Variants in CCNB1IP1 observed in about 807,000 individuals in gnomAD.
The protein encoded by CCNB1IP1 is cyclin B1 interacting protein 1, also known as E3 ubiquitin-protein ligase CCNB1IP1.
A neutral mutation model predicts 25.6 loss-of-function variants in CCNB1IP1; 14 were observed. That is an observed-to-expected ratio of 0.55 (90% CI 0.36 to 0.85). The LOEUF (loss-of-function observed/expected upper bound fraction) is 0.85, where lower values mean the gene tolerates loss of function less well. CCNB1IP1 is among the 40% of genes least tolerant of loss of function. The probability of loss-of-function intolerance (pLI) is 0.01; values close to 1 mark genes in which losing one functional copy is unlikely to be tolerated. For synonymous variants in CCNB1IP1, 119 were observed against 116.1 expected, an observed-to-expected ratio of 1.02 and a Z score of -0.16; for missense variants, 278 against 342.4, an observed-to-expected ratio of 0.81 and a Z score of 1.48.
At chr14:20,325,351 G>A (rs946543660) in intron 4 of CCNB1IP1, among the ~76,000 whole-genome samples, 188 bp downstream of exon 4, 3 of 150,392 alleles carry the variant, frequency 2.0e-5, no homozygotes, top group Non-Finnish European at 4.4e-5. Flanking sequence ...AACCCGGGAG[G>A]CGGAGCTTGC....
intron 4 of CCNB1IP1, among the ~76,000 whole-genome samples, chr14:20,319,904 CAT>C (rs751183006): frequency 1.3e-5 from 2 of 152,340 alleles, no homozygotes; most frequent in African/African-American, 2.4e-5. Context: ...AACATGCACA[CAT>C]GTCAAGTTGT....
chr14:20,313,363 G>A, intron 6 of CCNB1IP1, 105 bp downstream of exon 6: 1 of 867,698 alleles, frequency 1.2e-6, no homozygotes, highest in Non-Finnish European at 1.7e-6. Context: ...ACAACTCAAT[G>A]CTTGTCTTAT....
intron 5 of CCNB1IP1, chr14:20,315,639 G>A: frequency 7.8e-7 from 1 of 1,284,276 alleles, no homozygotes; most frequent in Non-Finnish European, 1.0e-6. Flanking sequence ...AAATCATAAA[G>A]GGAAAAAGTT....
intron 5 of CCNB1IP1, 122 bp downstream of exon 5, chr14:20,316,105 A>T: frequency 1.2e-6 from 1 of 866,362 alleles, no homozygotes; most frequent in Non-Finnish European, 1.7e-6. Flanking sequence ...AAAACAATTT[A>T]ATAAAAAGAG....
At chr14:20,319,549 G>A (rs1882826487) in intron 4 of CCNB1IP1, among the ~76,000 whole-genome samples, 1 of 152,152 alleles carries the variant, frequency 6.6e-6, no homozygotes, top group East Asian at 1.9e-4. Flanking sequence ...AATTCCCTTT[G>A]CACTGCAATA....
chr14:20,322,341 A>G (rs1195209672), intron 4 of CCNB1IP1, among the ~76,000 whole-genome samples: 1 of 151,368 alleles, frequency 6.6e-6, no homozygotes, highest in Non-Finnish European at 1.5e-5. Flanking sequence ...TCCCACACCC[A>G]GAGACTAGGT....
chr14:20,329,780 G>A (rs532414026), intron 1 of CCNB1IP1, among the ~76,000 whole-genome samples: 5 of 152,166 alleles, frequency 3.3e-5, no homozygotes, highest in Admixed American at 3.3e-4. Flanking sequence ...CATCATAGCT[G>A]CACTAATTAA....
At chr14:20,326,297 A>C (rs1014195167) in intron 3 of CCNB1IP1, 2 of 316,518 alleles carry the variant, frequency 6.3e-6, no homozygotes, top group African/African-American at 4.4e-5. Flanking sequence ...TTTTTTGGGG[A>C]TATAGAGATA....
intron 4 of CCNB1IP1, among the ~76,000 whole-genome samples, chr14:20,321,069 C>T (rs1172314213): frequency 1.3e-5 from 2 of 148,570 alleles, no homozygotes; most frequent in Non-Finnish European, 1.5e-5. Context: ...ACCTGGAAGG[C>T]GGGTTTGCAG....
intron 2 of CCNB1IP1, among the ~76,000 whole-genome samples, 155 bp downstream of exon 2, chr14:20,329,019 C>A (rs78644662): frequency 6.6e-6 from 1 of 152,150 alleles, no homozygotes; most frequent in African/African-American, 2.4e-5. Flanking sequence ...ATACAAACTA[C>A]AAATTGATAC....
chr14:20,321,368 A>T (rs190499483), intron 4 of CCNB1IP1, among the ~76,000 whole-genome samples: 2 of 152,370 alleles, frequency 1.3e-5, no homozygotes, highest in African/African-American at 4.8e-5. Context: ...TGTAATTTGT[A>T]AAATGGTTTA....
At chr14:20,315,090 CAAAAAAAAAA>C (rs546805664) in intron 5 of CCNB1IP1, among the ~76,000 whole-genome samples, 15 of 24,342 alleles carry the variant, frequency 6.2e-4, no homozygotes, top group Non-Finnish European at 9.0e-4. Context: ...GACTCCGTCT[CAAAAAAAAAA>C]AAAAAAAAAG....
chr14:20,314,871 C>A (rs1882625472), intron 5 of CCNB1IP1, among the ~76,000 whole-genome samples: 1 of 151,460 alleles, frequency 6.6e-6, no homozygotes, highest in Non-Finnish European at 1.5e-5. Context: ...GTGGGCGGAT[C>A]ATGAGGTCAG....
chr14:20,329,991 T>C (rs368001288), intron 1 of CCNB1IP1, among the ~76,000 whole-genome samples: 44 of 152,038 alleles, frequency 2.9e-4, no homozygotes, highest in African/African-American at 1.0e-3. Context: ...GCACTGTAGC[T>C]GGCATGGAGT....
chr14:20,316,605 G>A, intron 4 of CCNB1IP1, 45 bp from the exon 5 acceptor site: 1 of 1,082,052 alleles, frequency 9.2e-7, no homozygotes, highest in East Asian at 2.5e-5. Flanking sequence ...AAATTGCAAT[G>A]AAAATAAAAG....
In CCNB1IP1 at chr14:20,311,592, C is replaced by A; in HGVS notation, c.792G>T (p.Gln264His). ...SFVSPSRELEQQQVSSRAFKV... is the reference protein window; with the variant it reads ...SFVSPSRELEHQQVSSRAFKV... ...TGAAGGCCCTGCTAGAAACTTGCTG[C>A]TGCTCTAATTCACGACTTGGAGAGA... The change falls in exon 7 of 7, where the codon CAG becomes CAT. Residue 264 changes from glutamine (Q) to histidine (H), a missense_variant. Transcript: ENST00000358932. The A allele has an allele frequency of 6.2e-7, 1 of 1,613,936 alleles. No individual in the cohort carries two copies. The highest frequency in any genetic ancestry group is 8.5e-7 in the Non-Finnish European group (1 of 1,179,992).
At chr14:20,324,732 A>G (rs1046636028) in intron 4 of CCNB1IP1, among the ~76,000 whole-genome samples, 5 of 152,234 alleles carry the variant, frequency 3.3e-5, no homozygotes, top group Admixed American at 2.0e-4. Flanking sequence ...CCAATGCTGC[A>G]TAACTGGTGA....
chr14:20,314,824 G>C (rs1024683466), intron 5 of CCNB1IP1, among the ~76,000 whole-genome samples: 2 of 152,016 alleles, frequency 1.3e-5, no homozygotes, highest in Admixed American at 6.6e-5. Flanking sequence ...GGGCGCGGTG[G>C]CTCATGCCTG....
At chr14:20,317,959 C>G (rs1204336428) in intron 4 of CCNB1IP1, 1 of 152,216 alleles carries the variant, frequency 6.6e-6, no homozygotes, top group Non-Finnish European at 1.5e-5. Flanking sequence ...GAGGGAGTTG[C>G]GGGCCGCAGC....
Sources: allele counts gnomAD v4.1 joint callset (sites outside exome capture counted in the v4.1 genomes callset), GRCh38; gene constraint gnomAD v4.1.1; transcripts MANE v1.5; gene names NCBI Gene and HGNC (gene_info 2026-07-23, HGNC 2026-07-21).